The following PTK2 variants were observed in gnomAD, a reference collection of about 807,000 sequenced individuals.
The protein encoded by PTK2 is focal adhesion kinase 1.
In PTK2, 45 loss-of-function variants were observed where a neutral mutation model predicts 150.1. The observed-to-expected ratio is 0.30, with a 90% CI of 0.24 to 0.38. The LOEUF (loss-of-function observed/expected upper bound fraction) is 0.38. Ranked by LOEUF, PTK2 falls within the 10% of genes least tolerant of loss-of-function variation. PTK2 has a pLI of 1.00. For missense variants in PTK2, 919 were observed against 1,307.3 expected (o/e 0.70, Z 4.58); for synonymous variants, 432 against 449.2 (o/e 0.96, Z 0.48).
intron 4 of PTK2, among the ~76,000 whole-genome samples, chr8:140,876,532 T>C (rs985843636): frequency 3.5e-5 from 1 of 28,374 alleles, no homozygotes; most frequent in African/African-American, 4.1e-5. Flanking sequence ...TTGACTCTAT[T>C]TGGGATTTTG....
chr8:140,886,525 G>A (rs62521899), intron 3 of PTK2, among the ~76,000 whole-genome samples: 41,765 of 151,996 alleles, frequency 0.27, 6,081 homozygotes, highest in Admixed American at 0.37. Flanking sequence ...CATTAAGAGA[G>A]GTACAAGACA....
At chr8:140,674,537 C>T (rs1468871852) in intron 28 of PTK2, 133 bp from the exon 32 acceptor site, 11 of 717,362 alleles carry the variant, frequency 1.5e-5, no homozygotes, top group African/African-American at 7.1e-5. Context: ...GTCAGGAATT[C>T]GAGATCAGCC....
At chr8:140,788,449 C>T (rs764060397) in intron 14 of PTK2, among the ~76,000 whole-genome samples, 28 of 152,178 alleles carry the variant, frequency 1.8e-4, no homozygotes, top group African/African-American at 5.1e-4. Flanking sequence ...TTTGGGAGGC[C>T]GAGGCAGGCG....
intron 3 of PTK2, among the ~76,000 whole-genome samples, chr8:140,885,137 T>C (rs1490700456): frequency 1.3e-5 from 2 of 152,202 alleles, no homozygotes; most frequent in Non-Finnish European, 1.5e-5. Context: ...CTAGTCCTTG[T>C]AATGTCTTTT....
At chr8:140,972,349 C>T (rs1588122703) in intron 1 of PTK2, among the ~76,000 whole-genome samples, 1 of 152,286 alleles carries the variant, frequency 6.6e-6, no homozygotes, top group South Asian at 2.1e-4. Flanking sequence ...ACTGCAACCT[C>T]CACCTCCCAG....
intron 29 of PTK2, chr8:140,670,012 C>CGAGG (rs1324263297): frequency 2.0e-4 from 87 of 424,450 alleles, no homozygotes; most frequent in African/African-American, 1.5e-3. Flanking sequence ...ATGCAAAGCC[C>CGAGG]GAGGAACAAT....
chr8:140,812,965 G>A (rs902287807), intron 10 of PTK2, among the ~76,000 whole-genome samples: 14 of 152,038 alleles, frequency 9.2e-5, no homozygotes, highest in Non-Finnish European at 1.8e-4. Flanking sequence ...ACAATATTAC[G>A]TAGATCACTG....
intron 24 of PTK2, among the ~76,000 whole-genome samples, chr8:140,702,916 A>C (rs770408720): frequency 4.2e-4 from 64 of 152,202 alleles, no homozygotes; most frequent in Non-Finnish European, 8.7e-4. Context: ...TAAGTCAAGG[A>C]CCTTGGGATG....
intron 2 of PTK2, among the ~76,000 whole-genome samples, chr8:140,896,298 T>TA (rs1487568980): frequency 6.6e-6 from 1 of 152,208 alleles, no homozygotes; most frequent in Non-Finnish European, 1.5e-5. Flanking sequence ...CAACTTGTTT[T>TA]ATGACACCTG....
chr8:140,927,894 G>A (rs1325545920), intron 1 of PTK2, among the ~76,000 whole-genome samples: 2 of 134,614 alleles, frequency 1.5e-5, no homozygotes, highest in East Asian at 2.2e-4. Context: ...GCAATGAGCC[G>A]AGATTGTCCA....
At chr8:140,980,082 A>G (rs1304384454) in intron 1 of PTK2, among the ~76,000 whole-genome samples, 1 of 152,220 alleles carries the variant, frequency 6.6e-6, no homozygotes, top group East Asian at 1.9e-4. Flanking sequence ...TCACACTCCT[A>G]GATACATAGG....
chr8:140,935,344 A>G (rs899678266), intron 1 of PTK2, among the ~76,000 whole-genome samples: 5 of 152,166 alleles, frequency 3.3e-5, no homozygotes, highest in African/African-American at 1.2e-4. Context: ...CACTGAAGGC[A>G]AGCACCCCAG....
chr8:140,836,558 C>T (rs2100118745), intron 7 of PTK2, among the ~76,000 whole-genome samples: 1 of 152,168 alleles, frequency 6.6e-6, no homozygotes, highest in Non-Finnish European at 1.5e-5. Context: ...TCAATTCCTG[C>T]CAAATCTACC....
intron 31 of PTK2, among the ~76,000 whole-genome samples, chr8:140,661,035 A>G (rs952739717): frequency 4.6e-5 from 7 of 152,246 alleles, no homozygotes; most frequent in Non-Finnish European, 4.4e-5. Flanking sequence ...AAAAGTACAT[A>G]GATAAGACAG....
intron 1 of PTK2, among the ~76,000 whole-genome samples, chr8:140,958,704 C>A (rs527918471): frequency 6.6e-6 from 1 of 152,304 alleles, no homozygotes; most frequent in African/African-American, 2.4e-5. Flanking sequence ...ATAAAATATA[C>A]TAATAATGTT....
Position 140,702,714 on chromosome 8 carries a change from A to G in PTK2, c.2230-7T>C, listed in dbSNP as rs1486205583. ...AACCAGGGTAGCCAGAAACCTGTGA[A>G]TGAGTAAGGAGGCAAGGTAATGTTC... On this transcript the variant is annotated splice_region_variant and splice_polypyrimidine_tract_variant and intron_variant, in intron 24 of 31. Coordinates refer to ENST00000522684, the Ensembl canonical transcript of PTK2. 4.3e-6 allele frequency: 7 copies of G among 1,613,126 alleles called. No individual in the cohort carries two copies. The highest frequency in any genetic ancestry group is 5.9e-6 in the Non-Finnish European group (7 of 1,179,280).
chr8:140,753,134 C>T (rs893412378), intron 16 of PTK2, among the ~76,000 whole-genome samples: 2 of 152,168 alleles, frequency 1.3e-5, no homozygotes, highest in African/African-American at 4.8e-5. Context: ...GTTAGAGACA[C>T]AGGGAGTTCT....
At chr8:140,761,577 C>G (rs2100069460) in intron 15 of PTK2, among the ~76,000 whole-genome samples, 1 of 152,036 alleles carries the variant, frequency 6.6e-6, no homozygotes, top group Non-Finnish European at 1.5e-5. Flanking sequence ...ATTGCCCCAA[C>G]TATTAAATTA....
At chr8:140,995,496 T>C (rs1343135213) in intron 1 of PTK2, among the ~76,000 whole-genome samples, 2 of 151,698 alleles carry the variant, frequency 1.3e-5, no homozygotes, top group South Asian at 2.1e-4. Context: ...TTACGCTTAG[T>C]GAGAAAAAAC....
Sources: gnomAD v4.1 joint callset for allele counts (sites outside exome capture counted in the v4.1 genomes callset) on GRCh38, gnomAD v4.1.1 for gene constraint, MANE v1.5 for transcripts, NCBI Gene and HGNC (gene_info 2026-07-23, HGNC 2026-07-21) for gene names.